The following CDK19 variants were observed in gnomAD, a reference collection of about 807,000 sequenced individuals.
CDK19 encodes cyclin dependent kinase 19.
Under a neutral mutation model 68.3 loss-of-function variants are expected in CDK19, and 20 were observed. The observed-to-expected ratio is 0.29, with a 90% confidence interval of 0.21 to 0.43. CDK19 has a LOEUF of 0.43. Among genes scored for constraint, CDK19 ranks in the 20% least tolerant of loss-of-function variants. CDK19 has a pLI of 1.00. For missense variants in CDK19, 339 were observed against 623.5 expected, an observed-to-expected ratio of 0.54 and a Z score of 4.86; for synonymous variants, 221 against 222.8, an observed-to-expected ratio of 0.99 and a Z score of 0.07.
intron 2 of CDK19, among the ~76,000 whole-genome samples, chr6:110,682,563 AAC>A (rs1396388539): frequency 2.0e-5 from 3 of 152,192 alleles, no homozygotes; most frequent in South Asian, 4.1e-4. Context: ...TGTACAGACT[AAC>A]ACAGCTCTGG....
chr6:110,731,854 G>GT (rs1486480574), intron 2 of CDK19, among the ~76,000 whole-genome samples: 4 of 152,260 alleles, frequency 2.6e-5, no homozygotes, highest in Non-Finnish European at 5.9e-5. Context: ...GGCAAATCAT[G>GT]TATCTCTTCA....
At position 110,732,886 on chromosome 6, in the gene CDK19, G is replaced by A. The variant is rs1007826532; in HGVS notation, c.204+13240C>T. 2.6e-5 allele frequency among the ~76,000 whole-genome samples: 4 copies of A among 152,076 alleles called. 1 individual carries two copies. The South Asian group carries it at 8.3e-4, about 32-fold the overall frequency. ...GTTTGAGACCAGCATGGCCAACACG[G>A]TGAAACCCCATCTCTATTAAAAACA... On this transcript the variant is annotated intron_variant, in intron 2 of 12. Transcript: ENST00000368911.
intron 2 of CDK19, among the ~76,000 whole-genome samples, chr6:110,718,338 T>C (rs1167839575): frequency 6.6e-6 from 1 of 152,090 alleles, no homozygotes; most frequent in Admixed American, 6.6e-5. Context: ...TAGGTGTATA[T>C]ATTCGAGGTG....
chr6:110,650,704 G>A (rs1334111818), intron 4 of CDK19, among the ~76,000 whole-genome samples: 1 of 152,110 alleles, frequency 6.6e-6, no homozygotes, highest in Non-Finnish European at 1.5e-5. Context: ...AAGCTGGAAG[G>A]CCCAAAGCAA....
chr6:110,705,187 T>C (rs928802373), intron 2 of CDK19, among the ~76,000 whole-genome samples: 12 of 152,050 alleles, frequency 7.9e-5, no homozygotes, highest in Non-Finnish European at 1.6e-4. Flanking sequence ...ATTACAGGCA[T>C]GCGCCACCAC....
chr6:110,632,539 T>TG (rs1223745217), intron 5 of CDK19, among the ~76,000 whole-genome samples: 1 of 152,150 alleles, frequency 6.6e-6, no homozygotes, highest in African/African-American at 2.4e-5. Flanking sequence ...GAGACCAGCC[T>TG]GCACAACATG....
chr6:110,749,817 G>GCTCTTCCAATTCTTCATGACA (rs1554218100), intron 1 of CDK19, among the ~76,000 whole-genome samples: 19 of 146,086 alleles, frequency 1.3e-4, no homozygotes, highest in South Asian at 7.2e-4. Flanking sequence ...CTGTTGCTCA[G>GCTCTTCCAATTCTTCATGACA]GCTGGAGTGC....
At chr6:110,633,408 T>C (rs1404011908) in intron 5 of CDK19, among the ~76,000 whole-genome samples, 1 of 152,212 alleles carries the variant, frequency 6.6e-6, no homozygotes, top group Non-Finnish European at 1.5e-5. Flanking sequence ...TTGGCTATGG[T>C]AGGAGTATCT....
chr6:110,742,657 C>T (rs1304920997), intron 2 of CDK19, among the ~76,000 whole-genome samples: 1 of 152,110 alleles, frequency 6.6e-6, no homozygotes, highest in East Asian at 1.9e-4. Flanking sequence ...AACGGCCACT[C>T]TGGGAGTGTC....
chr6:110,717,517 C>T (rs1775499966), intron 2 of CDK19, among the ~76,000 whole-genome samples: 1 of 152,126 alleles, frequency 6.6e-6, no homozygotes, highest in Admixed American at 6.5e-5. Flanking sequence ...TCCATTATGA[C>T]TCATCTTTTC....
At chr6:110,723,873 T>G (rs946320160) in intron 2 of CDK19, among the ~76,000 whole-genome samples, 1 of 152,226 alleles carries the variant, frequency 6.6e-6, no homozygotes, top group Non-Finnish European at 1.5e-5. Flanking sequence ...TAAGATCAAG[T>G]GTAGAATATT....
chr6:110,756,163 G>C (rs949458810), intron 1 of CDK19, among the ~76,000 whole-genome samples: 26 of 152,076 alleles, frequency 1.7e-4, no homozygotes, highest in African/African-American at 5.6e-4. Flanking sequence ...GCTGAGGCAG[G>C]CACATCACCT....
At chr6:110,641,592 CA>C (rs773781094) in intron 4 of CDK19, among the ~76,000 whole-genome samples, 4,619 of 31,270 alleles carry the variant, frequency 0.15, 77 homozygotes, top group South Asian at 0.22. Context: ...GAGACTCCAT[CA>C]AAAAAAAAAA....
chr6:110,710,331 G>C (rs1477200300), intron 2 of CDK19, among the ~76,000 whole-genome samples: 2 of 152,172 alleles, frequency 1.3e-5, no homozygotes, highest in Non-Finnish European at 2.9e-5. Context: ...TTATGTGGGA[G>C]AGGCTCTGAA....
At chr6:110,756,383 C>T (rs369385764) in intron 1 of CDK19, among the ~76,000 whole-genome samples, 16 of 148,548 alleles carry the variant, frequency 1.1e-4, no homozygotes, top group African/African-American at 3.5e-4. Context: ...GAGCGAGACT[C>T]TGTCTCAAAA....
intron 4 of CDK19, chr6:110,646,404 C>T: frequency 1.5e-5 from 23 of 1,484,088 alleles, no homozygotes; most frequent in Non-Finnish European, 1.8e-5. Context: ...GGGCTGCTGG[C>T]GGGCGGCGAC....
rs971688267 is a variant in CDK19 at position 110,737,695 on chromosome 6, A to C, written c.204+8431T>G. 2.6e-5 allele frequency among the ~76,000 whole-genome samples: 4 copies of C among 152,344 alleles called. 1 individual carries two copies. The East Asian group carries it at 7.7e-4, about 29-fold the overall frequency. ...CCCAGAATCCTCCTAAAATAATAGC[A>C]AACTCCAATCCCAAACTCTTACAAG... On this transcript the variant is annotated intron_variant, in intron 2 of 12. Coordinates refer to ENST00000368911, the MANE Select transcript of CDK19 (RefSeq NM_015076.5).
chr6:110,638,262 G>A (rs767530911), intron 5 of CDK19, among the ~76,000 whole-genome samples: 53 of 152,108 alleles, frequency 3.5e-4, no homozygotes, highest in Admixed American at 7.9e-4. Context: ...AAATATATTC[G>A]CTCAGGGTGG....
chr6:110,627,179 T>C, intron 6 of CDK19, 34 bp from the exon 7 acceptor site: 1 of 1,532,172 alleles, frequency 6.5e-7, no homozygotes. Context: ...TTTGTATATA[T>C]TTCCTTGGTT....
Sources: allele counts gnomAD v4.1 joint callset (sites outside exome capture counted in the v4.1 genomes callset), GRCh38; gene constraint gnomAD v4.1.1; transcripts MANE v1.5; gene names NCBI Gene and HGNC (gene_info 2026-07-23, HGNC 2026-07-21).